Variants in SLC26A5 observed in about 807,000 individuals in gnomAD.
SLC26A5 encodes the protein solute carrier family 26 member 5.
SLC26A5 carries 51 observed loss-of-function variants against 81.0 expected under a neutral mutation model. The ratio of observed to expected loss-of-function variants is 0.63; its 90% confidence interval spans 0.50 to 0.80. SLC26A5 has a LOEUF of 0.80. Ranked by LOEUF, SLC26A5 falls within the 30% of genes least tolerant of loss-of-function variation. The probability of loss-of-function intolerance (pLI) is 0.00; values close to 1 mark genes in which losing one functional copy is unlikely to be tolerated. For missense variants in SLC26A5, 771 were observed against 905.8 expected (o/e 0.85, Z 1.91); for synonymous variants, 325 against 332.8 (o/e 0.98, Z 0.25).
chr7:103,359,985 G>A (rs570533723), intron 19 of SLC26A5, among the ~76,000 whole-genome samples: 57 of 152,004 alleles, frequency 3.7e-4, no homozygotes, highest in South Asian at 2.5e-3. Context: ...GGAGGCTGAC[G>A]CAGGAGAATT....
At chr7:103,413,145 A>T (rs773198686) in intron 4 of SLC26A5, 33 bp from the exon 5 acceptor site, 1 of 1,378,458 alleles carries the variant, frequency 7.3e-7, no homozygotes, top group Non-Finnish European at 1.0e-6. Flanking sequence ...GAAATGGGGG[A>T]TCATTAGAAG....
At chr7:103,375,989 T>C (rs1397511200) in intron 19 of SLC26A5, among the ~76,000 whole-genome samples, 1 of 151,946 alleles carries the variant, frequency 6.6e-6, no homozygotes, top group Non-Finnish European at 1.5e-5. Flanking sequence ...TCTTCTGACC[T>C]CAGGTGATCC....
intron 19 of SLC26A5, chr7:103,362,790 A>ATGTCTTT: frequency 1.0e-6 from 1 of 995,564 alleles, no homozygotes; most frequent in Non-Finnish European, 1.5e-6. Context: ...AAGGAAGGCT[A>ATGTCTTT]TGTCTTTTTT....
chr7:103,439,697 C>G (rs1826727853), intron 2 of SLC26A5, among the ~76,000 whole-genome samples: 1 of 152,158 alleles, frequency 6.6e-6, no homozygotes, highest in Admixed American at 6.5e-5. Flanking sequence ...CCATGCCCAC[C>G]TAATTTTTGT....
intron 8 of SLC26A5, among the ~76,000 whole-genome samples, chr7:103,401,790 C>G (rs1406179004): frequency 6.6e-6 from 1 of 152,140 alleles, no homozygotes. Context: ...CCTTGAAGGC[C>G]TTTTCTGCAT....
chr7:103,445,413 T>TG (rs1454889840), intron 1 of SLC26A5: 2 of 152,236 alleles, frequency 1.3e-5, no homozygotes, highest in East Asian at 3.9e-4. Context: ...GAGTTCAGCG[T>TG]GTCAGAGCCT....
intron 14 of SLC26A5, among the ~76,000 whole-genome samples, chr7:103,384,230 G>T (rs373230814): frequency 6.6e-6 from 1 of 152,006 alleles, no homozygotes; most frequent in African/African-American, 2.4e-5. Flanking sequence ...CAATCCTCCT[G>T]CCTTGGCCTC....
At position 103,428,362 on chromosome 7, in the gene SLC26A5, C is replaced by T. The variant is rs1825840956; in HGVS notation, c.-53-6795G>A. 2.0e-5 allele frequency among the ~76,000 whole-genome samples: 3 copies of T among 152,088 alleles called. No individual in the cohort carries two copies. The South Asian group carries it at 6.2e-4, about 32-fold the overall frequency. ...AAATAATTTGCCTGAGTCTTAGTTTCCTCATCTTTATTAACTTTTAAACCA... is the reference window on the plus strand; with the variant it reads ...AAATAATTTGCCTGAGTCTTAGTTTTCTCATCTTTATTAACTTTTAAACCA... On this transcript the variant is annotated intron_variant, in intron 2 of 19. Coordinates refer to ENST00000306312, the MANE Select transcript of SLC26A5 (RefSeq NM_198999.3).
At chr7:103,414,348 G>A (rs1218115057) in intron 4 of SLC26A5, among the ~76,000 whole-genome samples, 3 of 151,796 alleles carry the variant, frequency 2.0e-5, no homozygotes, top group Non-Finnish European at 4.4e-5. Context: ...ATCACACCTG[G>A]CTAATTTTTG....
intron 16 of SLC26A5, among the ~76,000 whole-genome samples, chr7:103,378,835 A>G (rs1051998721): frequency 3.9e-5 from 6 of 152,206 alleles, no homozygotes; most frequent in African/African-American, 1.4e-4. Flanking sequence ...GTTATATTTA[A>G]GAGACTCTGT....
chr7:103,368,078 A>C, intron 19 of SLC26A5: 1 of 1,579,724 alleles, frequency 6.3e-7, no homozygotes, highest in Non-Finnish European at 8.6e-7. Context: ...TCAAGTGAAA[A>C]CTTTAAATTG....
At chr7:103,433,684 T>C (rs917677968) in intron 2 of SLC26A5, 8 of 138,370 alleles carry the variant, frequency 5.8e-5, no homozygotes, top group African/African-American at 2.4e-4. Flanking sequence ...CCCTAATTTG[T>C]ATTAATTTTT....
intron 19 of SLC26A5, among the ~76,000 whole-genome samples, chr7:103,365,364 G>C (rs1410105422): frequency 6.6e-6 from 1 of 152,160 alleles, no homozygotes; most frequent in Non-Finnish European, 1.5e-5. Context: ...AGGCACGGTG[G>C]CTCATGCCTG....
At chr7:103,428,163 A>T (rs1221072205) in intron 2 of SLC26A5, among the ~76,000 whole-genome samples, 9 of 152,032 alleles carry the variant, frequency 5.9e-5, no homozygotes, top group Admixed American at 5.9e-4. Context: ...CCGTCTAGAG[A>T]TTCTAATTTA....
Position 103,379,272 on chromosome 7 carries a change from C to T in SLC26A5, c.1648G>A (p.Asp550Asn), listed in dbSNP as rs1265309291. 5.6e-6 allele frequency: 9 copies of T among 1,611,344 alleles called. No homozygotes were observed. The highest frequency in any genetic ancestry group is 1.1e-5 in the South Asian group (1 of 90,988). ...CGTTTTAATGCATTGCTATACAAGT[C>T]GCTATTTGCATAGTAAATTGGTGCA... ...INAPIYYANS[D>N]LYSNALKRKT... Residue 550 changes from aspartate to asparagine, a missense_variant, in exon 16 of 20, where the codon GAC becomes AAC. By Grantham distance (23) the Asp-to-Asn change is conservative. Transcript: ENST00000306312.
intron 16 of SLC26A5, among the ~76,000 whole-genome samples, chr7:103,378,855 G>A (rs1346021701): frequency 1.3e-5 from 2 of 152,156 alleles, no homozygotes; most frequent in Non-Finnish European, 2.9e-5. Flanking sequence ...TGGGTTGACA[G>A]GGAGCTTTTC....
chr7:103,415,765 T>C (rs781307218), intron 4 of SLC26A5, among the ~76,000 whole-genome samples: 2 of 152,240 alleles, frequency 1.3e-5, no homozygotes, highest in Non-Finnish European at 2.9e-5. Flanking sequence ...TATTTTACTA[T>C]GGTGTGCCTT....
chr7:103,386,244 TA>T (rs113764699), intron 14 of SLC26A5, among the ~76,000 whole-genome samples: 9,059 of 144,180 alleles, frequency 0.063, 906 homozygotes, highest in African/African-American at 0.22. Flanking sequence ...ACTGGAGCAT[TA>T]AAAAAAAAAA....
chr7:103,362,425 T>C, intron 19 of SLC26A5: 2 of 1,354,456 alleles, frequency 1.5e-6, no homozygotes, highest in Non-Finnish European at 9.5e-7. Flanking sequence ...ATAGAATACA[T>C]AACAACTCAC....
Sources: gnomAD v4.1 joint callset for allele counts (sites outside exome capture counted in the v4.1 genomes callset) on GRCh38, gnomAD v4.1.1 for gene constraint, MANE v1.5 for transcripts, NCBI Gene and HGNC (gene_info 2026-07-23, HGNC 2026-07-21) for gene names.